TMED1: variants seen among roughly 807,000 people sequenced by gnomAD.
TMED1 encodes transmembrane emp24 domain-containing protein 1.
TMED1 carries 20 observed loss-of-function variants against 21.2 expected under a neutral mutation model. That is an observed-to-expected ratio of 0.95 (90% CI 0.67 to 1.37). The LOEUF is 1.37. Among genes scored for constraint, TMED1 ranks in the 40% most tolerant of loss-of-function variants. The pLI, the probability that TMED1 is intolerant of heterozygous loss-of-function variation, is 0.00. For synonymous variants in TMED1, 149 were observed against 134.7 expected (o/e 1.11, Z -0.74); for missense variants, 316 against 309.8 (o/e 1.02, Z -0.15).
chr19:10,836,155 A>G lies in TMED1; in HGVS notation c.37T>C (p.Trp13Arg). The G allele has an allele frequency of 6.4e-7, 1 of 1,565,732 alleles. No homozygotes were observed. Among genetic ancestry groups the G allele is most frequent in the South Asian group, 1.2e-5 (1 of 85,748 alleles). Residue 13 changes from tryptophan (W) to arginine (R), a missense_variant, in exon 1 of 4, where the codon TGG (tryptophan) becomes CGG (arginine). Physicochemically the swap from Trp to Arg is moderately radical, Grantham distance 101. Transcript: ENST00000214869. ...AAGAALALAL[W>R]LLMPPVEVGG... The stretch of plus-strand genomic sequence containing the variant: ...ACCTCCACTGGTGGCATTAGTAGCC[A>G]CAAGGCCAGGGCTAGGGCCGCGCCG...
chr19:10,834,008 A>G (rs1021934755), intron 3 of TMED1, among the ~76,000 whole-genome samples: 10 of 152,104 alleles, frequency 6.6e-5, no homozygotes, highest in Non-Finnish European at 1.5e-4. Flanking sequence ...TGTCTCTACT[A>G]AAAATACAAA....
chr19:10,834,876 C>CA (rs1423611871), intron 3 of TMED1, 58 bp downstream of exon 3: 1 of 1,569,326 alleles, frequency 6.4e-7, no homozygotes, highest in Non-Finnish European at 8.7e-7. Flanking sequence ...CCAAGGGGGG[C>CA]ACCCCAGGTG....
At position 10,836,127 on chromosome 19, in the gene TMED1, C is replaced by T; in HGVS notation, c.65G>A (p.Gly22Glu). The T allele has an allele frequency of 6.4e-7, 1 of 1,570,684 alleles. No individual in the cohort carries two copies. The highest frequency in any genetic ancestry group is 1.2e-5 in the South Asian group (1 of 86,208). ...LWLLMPPVEV[G>E]GAGPPPIQDG... ...CTGGATTGGCGGGGGCCCCGCCCCTCCCACCTCCACTGGTGGCATTAGTAG... is the reference window on the plus strand; with the variant it reads ...CTGGATTGGCGGGGGCCCCGCCCCTTCCACCTCCACTGGTGGCATTAGTAG... Residue 22 changes from glycine (G) to glutamate (E), a missense_variant, in exon 1 of 4, where the codon GGA becomes GAA. Gly to Glu is a moderately conservative substitution (Grantham distance 98). Coordinates refer to ENST00000214869, the MANE Select transcript of TMED1 (RefSeq NM_006858.4).
intron 3 of TMED1, among the ~76,000 whole-genome samples, chr19:10,834,454 CTTTTTTTTTT>C (rs769963664): frequency 8.4e-6 from 1 of 119,644 alleles, no homozygotes; most frequent in Non-Finnish European, 1.8e-5. Context: ...AAATGAACTA[CTTTTTTTTTT>C]TTTTTTTTTT....
intron 1 of TMED1, 26 bp downstream of exon 1, chr19:10,835,983 T>G: frequency 1.3e-6 from 2 of 1,551,980 alleles, no homozygotes; most frequent in Non-Finnish European, 1.7e-6. Flanking sequence ...CTGACTCTGC[T>G]GGCCGCCCAG....
chr19:10,835,837 C>A, intron 1 of TMED1, 172 bp downstream of exon 1: 1 of 982,230 alleles, frequency 1.0e-6, no homozygotes, highest in East Asian at 1.1e-4. Flanking sequence ...ACTCCCTCCC[C>A]TTCCGCTCCC....
chr19:10,833,944 C>T (rs1293162048), intron 3 of TMED1, among the ~76,000 whole-genome samples: 2 of 151,406 alleles, frequency 1.3e-5, no homozygotes, highest in Non-Finnish European at 2.9e-5. Flanking sequence ...CCAAGGCAGA[C>T]AGATCCCCTG....
chr19:10,832,955 C>T lies in TMED1; in HGVS notation c.*40G>A. On this transcript the variant is annotated 3_prime_UTR_variant, in exon 4 of 4. Coordinates refer to ENST00000214869, the MANE Select transcript of TMED1 (RefSeq NM_006858.4). ...CCAAGTCTCATATGCACACACCCTG[C>T]TGCCCCTCCTTTGTCCCGTTCTTCC... is the stretch of plus-strand genomic sequence containing the variant. 6.2e-7 allele frequency: 1 copy of T among 1,600,178 alleles called. No homozygotes were observed. Among genetic ancestry groups the T allele is most frequent in the African/African-American group, 1.3e-5 (1 of 74,996 alleles).
chr19:10,832,371 C>G lies in TMED1; in HGVS notation c.*624G>C. The G allele has an allele frequency of 7.8e-7, 1 of 1,289,998 alleles. No homozygotes were observed. Among genetic ancestry groups the G allele is most frequent in the Non-Finnish European group, 1.0e-6 (1 of 988,988 alleles). 79.9% of individuals were successfully genotyped at this position (1,289,998 alleles called of 1,614,324 possible). A position where few individuals can be genotyped will look rare whatever the true frequency, so the allele number is the denominator to read the frequency against. ...TTCGTGGGAGGCCCCTCCCACCTGT[C>G]TGGCTGCCCCCTCGGGGGCCGGTCT... On this transcript the variant is annotated 3_prime_UTR_variant, in exon 4 of 4. Transcript: ENST00000214869.
chr19:10,832,222 C>A lies in TMED1; in HGVS notation c.*773G>T. The A allele has an allele frequency of 8.2e-7, 1 of 1,213,762 alleles. No homozygotes were observed. Among genetic ancestry groups the A allele is most frequent in the Non-Finnish European group, 1.1e-6 (1 of 919,712 alleles). The allele number at this position is 1,213,762 out of a possible 1,614,324, so 75.2% of individuals were successfully genotyped here. A position where few individuals can be genotyped will look rare whatever the true frequency, so the allele number is the denominator to read the frequency against. On this transcript the variant is annotated 3_prime_UTR_variant, in exon 4 of 4. Transcript: ENST00000214869. ...CTTCCTACCCTCAGGCCCTGCTTCT[C>A]TCACCTCGTGGGGAAGCCCAAGCCT...
intron 1 of TMED1, 176 bp from the exon 2 acceptor site, chr19:10,835,529 C>T (rs2073417976): frequency 1.4e-6 from 2 of 1,456,982 alleles, no homozygotes; most frequent in Non-Finnish European, 1.8e-6. Context: ...CCTCCACCCT[C>T]ATTGATATGA....
chr19:10,834,970 G>A lies in TMED1; in HGVS notation c.429C>T (p.Pro143=), dbSNP rs765423765. Residue 143 remains proline, a synonymous_variant, in exon 3 of 4, where the codon CCC becomes CCT. Transcript: ENST00000214869. The part of the protein sequence containing the change: ...EVEGWAEAVE[P]EEMLDVKMED... ...CCATTTTAACATCCAGCATCTCCTC[G>A]GGCTCCACAGCCTCTGCCCATCCTT... 4 of 1,613,982 alleles carry A rather than the reference G, an allele frequency of 2.5e-6. No homozygotes were observed. Among genetic ancestry groups the A allele is most frequent in the African/African-American group, 1.3e-5 (1 of 74,930 alleles).
Position 10,832,535 on chromosome 19 carries a change from T to G in TMED1, c.*460A>C, listed in dbSNP as rs1209948325. 1 of 517,874 alleles carries G rather than the reference T, an allele frequency of 1.9e-6. No homozygotes were observed. Among genetic ancestry groups the G allele is most frequent in the African/African-American group, 2.0e-5 (1 of 50,902 alleles). 32.1% of individuals were successfully genotyped at this position (517,874 alleles called of 1,614,324 possible). A position where few individuals can be genotyped will look rare whatever the true frequency, so the allele number is the denominator to read the frequency against. On this transcript the variant is annotated 3_prime_UTR_variant, in exon 4 of 4. Transcript: ENST00000214869. ...TAGACTTTGGCCGGGCCATCCCTCATGCCTGTGTGGGGCCCCTGCAGGAGA... is the reference window on the plus strand; with the variant it reads ...TAGACTTTGGCCGGGCCATCCCTCAGGCCTGTGTGGGGCCCCTGCAGGAGA...
chr19:10,832,890 A>C lies in TMED1; in HGVS notation c.*105T>G. 2 of 1,318,068 alleles carry C rather than the reference A, an allele frequency of 1.5e-6. No homozygotes were observed. Among genetic ancestry groups the C allele is most frequent in the Non-Finnish European group, 2.1e-6 (2 of 954,580 alleles). 81.6% of individuals were successfully genotyped at this position (1,318,068 alleles called of 1,614,324 possible). On this transcript the variant is annotated 3_prime_UTR_variant, in exon 4 of 4. Transcript: ENST00000214869. ...GCCAGACCGCAGGCCCTGACTGCAC[A>C]CTCCCGTTTTGGCAGGAAACTAAAA... is the stretch of plus-strand genomic sequence containing the variant.
Position 10,836,126 on chromosome 19 carries a change from T to G in TMED1, c.66A>C (p.Gly22=). The G allele has an allele frequency of 6.4e-7, 1 of 1,559,410 alleles. No homozygotes were observed. Residue 22 remains glycine (G), a synonymous_variant, in exon 1 of 4, where the codon GGA becomes GGC. Coordinates refer to ENST00000214869, the MANE Select transcript of TMED1 (RefSeq NM_006858.4). ...LWLLMPPVEV[G]GAGPPPIQDG... ...CCTGGATTGGCGGGGGCCCCGCCCCTCCCACCTCCACTGGTGGCATTAGTA... is the reference window on the plus strand; with the variant it reads ...CCTGGATTGGCGGGGGCCCCGCCCCGCCCACCTCCACTGGTGGCATTAGTA...
At position 10,832,861 on chromosome 19, in the gene TMED1, T is replaced by C. The variant is rs1266268320; in HGVS notation, c.*134A>G. The C allele has an allele frequency of 7.1e-6, 7 of 991,486 alleles. No individual in the cohort carries two copies. Among genetic ancestry groups the C allele is most frequent in the Non-Finnish European group, 6.0e-6 (4 of 671,628 alleles). 61.4% of individuals were successfully genotyped at this position (991,486 alleles called of 1,614,324 possible). A position where few individuals can be genotyped will look rare whatever the true frequency, so the allele number is the denominator to read the frequency against. ...CCCGCTGAGGACGGAAGGAGACTCATGGGGCCAGACCGCAGGCCCTGACTG... is the reference window on the plus strand; with the variant it reads ...CCCGCTGAGGACGGAAGGAGACTCACGGGGCCAGACCGCAGGCCCTGACTG... On this transcript the variant is annotated 3_prime_UTR_variant, in exon 4 of 4. Transcript: ENST00000214869.
chr19:10,834,158 G>C lies in TMED1; in HGVS notation c.465+776C>G, dbSNP rs576427269. On this transcript the variant is annotated intron_variant, in intron 3 of 3. Transcript: ENST00000214869. ...CTGGGTGACCAAGAGAGATCTGTTAGAAAATAAATAAATAAGTAGTTAATT... is the reference window on the plus strand; with the variant it reads ...CTGGGTGACCAAGAGAGATCTGTTACAAAATAAATAAATAAGTAGTTAATT... Among the ~76,000 whole-genome samples, 69 of 152,252 alleles carry C rather than the reference G, an allele frequency of 4.5e-4. 1 individual carries two copies. The highest frequency in any genetic ancestry group is 1.5e-3 in the African/African-American group (64 of 41,568).
chr19:10,835,290 C>T lies in TMED1; in HGVS notation c.247G>A (p.Val83Ile), dbSNP rs1599649167. The T allele has an allele frequency of 6.2e-7, 1 of 1,613,978 alleles. No individual in the cohort carries two copies. The highest frequency in any genetic ancestry group is 8.5e-7 in the Non-Finnish European group (1 of 1,180,010). The change falls in exon 2 of 4, where the codon GTC (valine) becomes ATC (isoleucine). Residue 83 changes from valine to isoleucine, a missense_variant. By Grantham distance (29) the Val-to-Ile change is conservative. Coordinates refer to ENST00000214869, the MANE Select transcript of TMED1 (RefSeq NM_006858.4). ...CCATCAGCCTTGCGGGACTCGCTGACCAACAGCACGCCCTGAGGGCTCTCC... is the reference window on the plus strand; with the variant it reads ...CCATCAGCCTTGCGGGACTCGCTGATCAACAGCACGCCCTGAGGGCTCTCC... Reference protein sequence around the residue: ...TLESPQGVLLVSESRKADGVH... With the variant: ...TLESPQGVLLISESRKADGVH...
chr19:10,835,031 A>G lies in TMED1; in HGVS notation c.368T>C (p.Leu123Pro). 2 of 1,614,234 alleles carry G rather than the reference A, an allele frequency of 1.2e-6. No individual in the cohort carries two copies. Among genetic ancestry groups the G allele is most frequent in the Non-Finnish European group, 1.7e-6 (2 of 1,180,032 alleles). ...GTCATCCTGGAGGCTGTCAAAGATCAGTTCAAAGAACACCAGCTTCTCGGA... is the reference window on the plus strand; with the variant it reads ...GTCATCCTGGAGGCTGTCAAAGATCGGTTCAAAGAACACCAGCTTCTCGGA... ...TISEKLVFFE[L>P]IFDSLQDDEE... The change falls in exon 3 of 4, where the codon CTG becomes CCG. Residue 123 changes from leucine to proline, a missense_variant. Leu to Pro is a moderately conservative substitution (Grantham distance 98). Transcript: ENST00000214869.
Sources: gnomAD v4.1 joint callset for allele counts (sites outside exome capture counted in the v4.1 genomes callset) on GRCh38, gnomAD v4.1.1 for gene constraint, MANE v1.5 for transcripts, NCBI Gene and HGNC (gene_info 2026-07-23, HGNC 2026-07-21) for gene names.